Variants in PSD3 observed in about 807,000 individuals in gnomAD.
PSD3 encodes PH and SEC7 domain-containing protein 3.
In PSD3, 49 loss-of-function variants were observed where a neutral mutation model predicts 105.5. That is an observed-to-expected ratio of 0.46 (90% confidence interval 0.37 to 0.59). The LOEUF (loss-of-function observed/expected upper bound fraction) is 0.59, where lower values mean the gene tolerates loss of function less well. PSD3 is among the 20% of genes least tolerant of loss of function. The probability of loss-of-function intolerance (pLI) is 0.00; values close to 1 mark genes in which losing one functional copy is unlikely to be tolerated. For synonymous variants in PSD3, 557 were observed against 457.8 expected (o/e 1.22, Z -2.77); for missense variants, 1,561 against 1,263.8 (o/e 1.24, Z -3.57).
chr8:18,574,812 C>A (rs979036102), intron 13 of PSD3, among the ~76,000 whole-genome samples: 2 of 152,124 alleles, frequency 1.3e-5, no homozygotes, highest in Admixed American at 6.6e-5. Flanking sequence ...TTATCTAGGT[C>A]TGTTTTACTC....
At chr8:18,877,832 C>T (rs1399542803) in intron 2 of PSD3, among the ~76,000 whole-genome samples, 1 of 152,178 alleles carries the variant, frequency 6.6e-6, no homozygotes, top group Non-Finnish European at 1.5e-5. Flanking sequence ...TGTAGCACCA[C>T]ACCTGGCTAG....
intron 11 of PSD3, among the ~76,000 whole-genome samples, chr8:18,605,282 G>T (rs1216956616): frequency 6.6e-6 from 1 of 152,070 alleles, no homozygotes; most frequent in Non-Finnish European, 1.5e-5. Flanking sequence ...GTGTGCCCTG[G>T]ATGTTAGACA....
chr8:18,734,467 T>A (rs913090901), intron 9 of PSD3: 2 of 152,234 alleles, frequency 1.3e-5, no homozygotes, highest in Admixed American at 1.3e-4. Flanking sequence ...AGATGATGGT[T>A]CAATGGTTCT....
chr8:18,665,528 T>C (rs1245120864), intron 9 of PSD3, among the ~76,000 whole-genome samples: 2 of 152,230 alleles, frequency 1.3e-5, no homozygotes, highest in South Asian at 4.1e-4. Context: ...GAAGATGCTA[T>C]GAACACTGTT....
chr8:18,590,679 A>G (rs1425442147), intron 12 of PSD3, among the ~76,000 whole-genome samples: 1 of 152,174 alleles, frequency 6.6e-6, no homozygotes, highest in Non-Finnish European at 1.5e-5. Flanking sequence ...GTTATTTTAT[A>G]AATGAAAAAC....
At chr8:18,694,744 G>C (rs1030529242) in intron 9 of PSD3, among the ~76,000 whole-genome samples, 1 of 152,012 alleles carries the variant, frequency 6.6e-6, no homozygotes, top group African/African-American at 2.4e-5. Context: ...GGGAGGCCAA[G>C]ACAGGCGGAT....
chr8:19,006,676 C>T (rs1318380176), intron 1 of PSD3, among the ~76,000 whole-genome samples: 27 of 152,036 alleles, frequency 1.8e-4, no homozygotes, highest in Admixed American at 1.8e-3. Context: ...GTTCCACTGC[C>T]TTATTAGAAT....
rs181519721 is a variant in PSD3 at position 18,673,197 on chromosome 8, C to A, written c.2173-17512G>T. Among the ~76,000 whole-genome samples, 211 of 149,838 alleles carry A rather than the reference C, an allele frequency of 1.4e-3. 3 individuals carry two copies. In the East Asian group the frequency reaches 0.031, roughly 22 times the overall value. ...TTATTTGGTTCTCTTAACACACACA[C>A]CCATCCACACACACACACACACCCA... On this transcript the variant is annotated intron_variant, in intron 9 of 15. Transcript: ENST00000327040.
intron 1 of PSD3, among the ~76,000 whole-genome samples, chr8:18,958,919 GTTT>G (rs71218911): frequency 7.0e-5 from 8 of 114,992 alleles, no homozygotes; most frequent in South Asian, 5.3e-4. Context: ...GTTAAGTGGT[GTTT>G]TTTTTTTTTT....
chr8:18,591,961 A>C (rs1171108237), intron 12 of PSD3, among the ~76,000 whole-genome samples: 1 of 152,164 alleles, frequency 6.6e-6, no homozygotes, highest in African/African-American at 2.4e-5. Context: ...GTAGCAAGCC[A>C]GTCTCTATAC....
At chr8:18,863,659 T>G (rs188820798) in intron 4 of PSD3, among the ~76,000 whole-genome samples, 179 of 152,266 alleles carry the variant, frequency 1.2e-3, no homozygotes, top group African/African-American at 4.2e-3. Context: ...TCCATCCAGA[T>G]TTATTCCAGG....
intron 12 of PSD3, among the ~76,000 whole-genome samples, chr8:18,593,535 A>G (rs1337928386): frequency 1.3e-5 from 2 of 152,126 alleles, no homozygotes; most frequent in African/African-American, 4.8e-5. Flanking sequence ...GGGACTGTAA[A>G]CTAGTTCAAC....
rs1810260240 is a variant in PSD3, at chr8:18,797,168, G to GCA, written c.2082+2126_2082+2127insTG. ...TAGCTACTATATATTCAACAGACTT[G>GCA]TAACAGCATGCATTATGGAAAACTA... On this transcript the variant is annotated intron_variant, in intron 8 of 15. Transcript: ENST00000327040. 4.6e-5 allele frequency among the ~76,000 whole-genome samples: 7 copies of GCA among 152,232 alleles called. 1 individual carries two copies. Among genetic ancestry groups the GCA allele is most frequent in the African/African-American group, 1.4e-4 (6 of 41,562 alleles).
chr8:18,796,235 C>A (rs1470286160), intron 8 of PSD3, among the ~76,000 whole-genome samples: 1 of 152,012 alleles, frequency 6.6e-6, no homozygotes, highest in African/African-American at 2.4e-5. Context: ...TTAACATGAT[C>A]CAACATGAAA....
intron 9 of PSD3, among the ~76,000 whole-genome samples, chr8:18,764,460 A>G (rs1341283929): frequency 6.6e-6 from 1 of 151,968 alleles, no homozygotes; most frequent in East Asian, 1.9e-4. Context: ...TTTTTTTCAT[A>G]ATTTCTTGTA....
At chr8:18,561,651 C>A (rs771663116) in intron 14 of PSD3, among the ~76,000 whole-genome samples, 1 of 151,964 alleles carries the variant, frequency 6.6e-6, no homozygotes, top group Non-Finnish European at 1.5e-5. Context: ...CACAATTATA[C>A]CTGGAAATAC....
Position 18,922,169 on chromosome 8 carries a change from T to A in PSD3, c.130+13865A>T, listed in dbSNP as rs77673205. ...AAAACATACTTTGTGAGTCAGTTCA[T>A]ACACCTGACAATGAAAAAACGGTTT... On this transcript the variant is annotated intron_variant, in intron 2 of 15. Transcript: ENST00000327040. Among the ~76,000 whole-genome samples the A allele has an allele frequency of 3.8e-3, 580 of 152,296 alleles. 2 individuals carry two copies. Among genetic ancestry groups the A allele is most frequent in the African/African-American group, 0.013 (556 of 41,566 alleles).
At chr8:18,563,890 A>C (rs999928287) in intron 14 of PSD3, among the ~76,000 whole-genome samples, 1 of 152,184 alleles carries the variant, frequency 6.6e-6, no homozygotes, top group East Asian at 1.9e-4. Flanking sequence ...GAGAGATCAC[A>C]AGTGGTTACA....
intron 2 of PSD3, among the ~76,000 whole-genome samples, chr8:18,915,954 G>T (rs1157930909): frequency 6.6e-6 from 1 of 151,974 alleles, no homozygotes; most frequent in Non-Finnish European, 1.5e-5. Context: ...AATTAGCCAG[G>T]CATGGGTGGC....
Sources: allele counts gnomAD v4.1 joint callset (sites outside exome capture counted in the v4.1 genomes callset), GRCh38; gene constraint gnomAD v4.1.1; transcripts MANE v1.5; gene names NCBI Gene and HGNC (gene_info 2026-07-23, HGNC 2026-07-21).